CNTNAP2: variants seen among roughly 807,000 people sequenced by gnomAD.
CNTNAP2 encodes contactin associated protein 2.
CNTNAP2 carries 98 observed loss-of-function variants against 155.2 expected under a neutral mutation model. That is an observed-to-expected ratio of 0.63 (90% CI 0.54 to 0.75). The LOEUF is 0.75. Ranked by LOEUF, CNTNAP2 falls within the 30% of genes least tolerant of loss-of-function variation. The pLI, the probability that CNTNAP2 is intolerant of heterozygous loss-of-function variation, is 0.00. For synonymous variants in CNTNAP2, 651 were observed against 631.2 expected (o/e 1.03, Z -0.47); for missense variants, 1,727 against 1,688.1 (o/e 1.02, Z -0.40).
chr7:147,131,225 A>G (rs1801350886), intron 7 of CNTNAP2, among the ~76,000 whole-genome samples: 1 of 151,150 alleles, frequency 6.6e-6, no homozygotes, highest in African/African-American at 2.4e-5. Flanking sequence ...TACATATACC[A>G]TACACATGTA....
intron 3 of CNTNAP2, among the ~76,000 whole-genome samples, chr7:147,017,527 G>T (rs1177543109): frequency 6.6e-6 from 1 of 151,730 alleles, no homozygotes; most frequent in African/African-American, 2.4e-5. Flanking sequence ...ATTTGATTTT[G>T]TTTCAAATTA....
chr7:147,167,374 T>C, intron 8 of CNTNAP2: 1 of 1,070,390 alleles, frequency 9.3e-7, no homozygotes, highest in Non-Finnish European at 1.3e-6. Context: ...TACTAAGACA[T>C]TTCTGCCAAA....
intron 2 of CNTNAP2, among the ~76,000 whole-genome samples, chr7:146,825,550 G>A (rs1803383921): frequency 6.6e-6 from 1 of 152,066 alleles, no homozygotes; most frequent in Non-Finnish European, 1.5e-5. Flanking sequence ...CAATTCCTTT[G>A]TATTTCTTCC....
intron 2 of CNTNAP2, among the ~76,000 whole-genome samples, chr7:146,780,434 C>A (rs972090910): frequency 1.3e-5 from 2 of 152,072 alleles, no homozygotes; most frequent in Non-Finnish European, 2.9e-5. Flanking sequence ...TGTGATCCAC[C>A]CGCCTCGGCC....
chr7:147,904,491 T>A (rs1799925739), intron 14 of CNTNAP2, among the ~76,000 whole-genome samples: 1 of 152,204 alleles, frequency 6.6e-6, no homozygotes, highest in Non-Finnish European at 1.5e-5. Flanking sequence ...TCTACATTTT[T>A]AGAAGTGTTG....
chr7:146,514,861 A>G (rs1315797476), intron 1 of CNTNAP2, among the ~76,000 whole-genome samples: 1 of 152,056 alleles, frequency 6.6e-6, no homozygotes, highest in Non-Finnish European at 1.5e-5. Context: ...ATATCTGCTT[A>G]GAGGTGTACT....
intron 13 of CNTNAP2, 109 bp from the exon 14 acceptor site, chr7:147,903,456 G>C: frequency 1.7e-6 from 2 of 1,195,004 alleles, no homozygotes; most frequent in South Asian, 1.3e-5. Context: ...TAAGAGGGTT[G>C]AGTGATGTTC....
At chr7:146,117,281 G>T in intron 1 of CNTNAP2, 1 of 362,798 alleles carries the variant, frequency 2.8e-6, no homozygotes, top group Non-Finnish European at 5.1e-6. Flanking sequence ...TTTGTGCAGG[G>T]AGAGTTAACT....
intron 1 of CNTNAP2, among the ~76,000 whole-genome samples, chr7:146,569,951 G>T (rs1039676103): frequency 1.3e-5 from 2 of 152,258 alleles, no homozygotes; most frequent in African/African-American, 4.8e-5. Context: ...GTAGTTAAAT[G>T]CATGAGCTCC....
At chr7:146,261,010 C>T (rs959971190) in intron 1 of CNTNAP2, among the ~76,000 whole-genome samples, 1 of 152,128 alleles carries the variant, frequency 6.6e-6, no homozygotes, top group Non-Finnish European at 1.5e-5. Flanking sequence ...TGGTTTCTCC[C>T]AGGCTGTTCT....
chr7:146,831,127 T>C lies in CNTNAP2; in HGVS notation c.209-8584T>C, dbSNP rs371661419. Among the ~76,000 whole-genome samples, 27 of 152,322 alleles carry C rather than the reference T, an allele frequency of 1.8e-4. No homozygotes were observed. The East Asian group carries it at 2.3e-3, about 13-fold the overall frequency. On this transcript the variant is annotated intron_variant, in intron 2 of 23. Coordinates refer to ENST00000361727, the MANE Select transcript of CNTNAP2 (RefSeq NM_014141.6). ...CTTATAACCTACCACTATTGCCTCC[T>C]CTATCACCAGACCCCATTCATCTTT...
intron 3 of CNTNAP2, among the ~76,000 whole-genome samples, chr7:147,010,691 G>A (rs1265959409): frequency 6.6e-6 from 1 of 152,090 alleles, no homozygotes; most frequent in Non-Finnish European, 1.5e-5. Flanking sequence ...AATAAATGGA[G>A]AGAAGAGAAA....
At chr7:147,726,251 A>C (rs1219281245) in intron 13 of CNTNAP2, among the ~76,000 whole-genome samples, 1 of 152,022 alleles carries the variant, frequency 6.6e-6, no homozygotes, top group African/African-American at 2.4e-5. Flanking sequence ...TCTTGTGTTA[A>C]GTATCCTTGT....
chr7:147,668,316 G>A (rs992118433), intron 13 of CNTNAP2, among the ~76,000 whole-genome samples: 3 of 152,166 alleles, frequency 2.0e-5, no homozygotes, highest in African/African-American at 7.2e-5. Flanking sequence ...ATTGTCTACT[G>A]ATAAGAAAAT....
At position 146,248,017 on chromosome 7, in the gene CNTNAP2, GCA is replaced by G. The variant is rs200968590; in HGVS notation, c.97+131047_97+131048del. Among the ~76,000 whole-genome samples the G allele has an allele frequency of 8.6e-4, 130 of 151,886 alleles. 1 individual carries two copies. In the East Asian group the frequency reaches 0.022, roughly 26 times the overall value. ...TGGGGCACGGAAATAAGGGATCGGG[GCA>G]CAGAGATATAAGAGGCTGGGGCACG... On this transcript the variant is annotated intron_variant, in intron 1 of 23. Transcript: ENST00000361727.
intron 9 of CNTNAP2, among the ~76,000 whole-genome samples, chr7:147,389,601 G>T (rs955532698): frequency 6.6e-6 from 1 of 152,172 alleles, no homozygotes; most frequent in African/African-American, 2.4e-5. Context: ...AATCAAGTAT[G>T]AAGTTTTTAT....
In CNTNAP2 at chr7:146,251,993, G is replaced by A. The variant is rs148159888; in HGVS notation, c.97+135020G>A. 7.2e-3 allele frequency among the ~76,000 whole-genome samples: 1,102 copies of A among 152,226 alleles called. 13 individuals are homozygous for A. The highest frequency in any genetic ancestry group is 0.024 in the African/African-American group (1,005 of 41,552). ...GCTTTTTGTTCATCTGAGGACTGCCGGGTGAGTTTGGGTTGGCTGGGCTCA... is the reference window on the plus strand; with the variant it reads ...GCTTTTTGTTCATCTGAGGACTGCCAGGTGAGTTTGGGTTGGCTGGGCTCA... On this transcript the variant is annotated intron_variant, in intron 1 of 23. Transcript: ENST00000361727.
rs145319834 is a variant in CNTNAP2 at position 148,400,604 on chromosome 7, A to G, written c.3716-8787A>G. 4.1e-4 allele frequency among the ~76,000 whole-genome samples: 62 copies of G among 152,356 alleles called. No homozygotes were observed. In the East Asian group the frequency reaches 9.4e-3, roughly 23 times the overall value. On this transcript the variant is annotated intron_variant, in intron 22 of 23. Transcript: ENST00000361727. ...AGCAAATAGTGTGGTAAATACCTAC[A>G]TATAACCTACACACACCCTCCCATA...
At chr7:147,624,286 T>C (rs1794928133) in intron 12 of CNTNAP2, among the ~76,000 whole-genome samples, 1 of 151,800 alleles carries the variant, frequency 6.6e-6, no homozygotes, top group Non-Finnish European at 1.5e-5. Context: ...AAAAAACTTC[T>C]GCACAGCAAA....
Sources: gnomAD v4.1 joint callset for allele counts (sites outside exome capture counted in the v4.1 genomes callset) on GRCh38, gnomAD v4.1.1 for gene constraint, MANE v1.5 for transcripts, NCBI Gene and HGNC (gene_info 2026-07-23, HGNC 2026-07-21) for gene names.